CNGB1: variants seen among roughly 807,000 people sequenced by gnomAD.
CNGB1 encodes cyclic nucleotide gated channel subunit beta 1.
In CNGB1, 126 loss-of-function variants were observed where a neutral mutation model predicts 151.7. The ratio of observed to expected loss-of-function variants is 0.83; its 90% CI spans 0.72 to 0.96. CNGB1 has a LOEUF of 0.96. CNGB1 is among the 40% of genes least tolerant of loss of function. The pLI is 0.00. For synonymous variants in CNGB1, 623 were observed against 635.1 expected, an observed-to-expected ratio of 0.98 and a Z score of 0.29; for missense variants, 1,698 against 1,627.0, an observed-to-expected ratio of 1.04 and a Z score of -0.75.
intron 28 of CNGB1, 27 bp from the exon 29 acceptor site, chr16:57,901,462 C>A (rs529889046): frequency 5.7e-5 from 92 of 1,614,100 alleles, no homozygotes; most frequent in Middle Eastern, 1.6e-4. Flanking sequence ...GGGAAAGGAA[C>A]TTTTTAGAGA....
At chr16:57,913,030 G>T in intron 23 of CNGB1, 36 bp from the exon 24 acceptor site, 1 of 1,604,894 alleles carries the variant, frequency 6.2e-7, no homozygotes, top group East Asian at 2.2e-5. Context: ...CAGCCCACCG[G>T]CCATAGGTAG....
chr16:57,903,787 G>A (rs1960455132), intron 27 of CNGB1, 35 bp downstream of exon 27: 8 of 1,613,172 alleles, frequency 5.0e-6, no homozygotes, highest in East Asian at 2.2e-5. Flanking sequence ...GGAGTTGACT[G>A]GGAGCTGGTG....
chr16:57,899,315 G>T (rs1358160487), intron 29 of CNGB1, among the ~76,000 whole-genome samples: 2 of 148,660 alleles, frequency 1.3e-5, no homozygotes, highest in Admixed American at 6.7e-5. Context: ...GGAAGAGGAG[G>T]TCTACAGAAA....
chr16:57,910,180 C>G (rs1179050315), intron 25 of CNGB1, among the ~76,000 whole-genome samples: 2 of 152,134 alleles, frequency 1.3e-5, no homozygotes, highest in African/African-American at 4.8e-5. Flanking sequence ...CTCATTGTAC[C>G]CCTCCAGCGT....
chr16:57,905,921 A>G (rs763578076), intron 25 of CNGB1, among the ~76,000 whole-genome samples: 1 of 152,174 alleles, frequency 6.6e-6, no homozygotes, highest in Non-Finnish European at 1.5e-5. Context: ...AGTCTCATGT[A>G]TTTTACTACA....
intron 29 of CNGB1, 97 bp from the exon 30 acceptor site, chr16:57,898,011 G>A: frequency 7.8e-7 from 1 of 1,275,178 alleles, no homozygotes; most frequent in Non-Finnish European, 1.1e-6. Flanking sequence ...CGGCAAGGAG[G>A]AACCTAGGCA....
chr16:57,923,224 C>T, intron 18 of CNGB1, 49 bp downstream of exon 18: 2 of 1,337,140 alleles, frequency 1.5e-6, no homozygotes, highest in South Asian at 1.2e-5. Flanking sequence ...CCACATCCCC[C>T]ACCCTCCCCG....
chr16:57,955,284 C>CTTCT, intron 12 of CNGB1: 1 of 1,551,094 alleles, frequency 6.4e-7, no homozygotes. Context: ...TCAGGGCATC[C>CTTCT]TTCTTTCCTT....
intron 31 of CNGB1, among the ~76,000 whole-genome samples, chr16:57,890,708 C>T (rs192501742): frequency 6.6e-6 from 1 of 152,352 alleles, no homozygotes; most frequent in Admixed American, 6.5e-5. Flanking sequence ...GACCCAGGTC[C>T]CCCATCTGCA....
Position 57,919,097 on chromosome 16 carries a change from A to C in CNGB1, c.1957+2T>G, listed in dbSNP as rs755398007. On this transcript the variant is annotated splice_donor_variant, in intron 20 of 32. Coordinates refer to ENST00000251102, the MANE Select transcript of CNGB1 (RefSeq NM_001297.5). LOFTEE classifies it high-confidence loss of function. ...TGGGAACACCCATTCCCCAGGACTC[A>C]CTGGTCAGCGGGTCAATGCTCTGGG... The C allele has an allele frequency of 5.0e-6, 8 of 1,614,104 alleles. No homozygotes were observed. The highest frequency in any genetic ancestry group is 6.8e-6 in the Non-Finnish European group (8 of 1,180,022).
At chr16:57,909,047 T>G (rs1213080905) in intron 25 of CNGB1, among the ~76,000 whole-genome samples, 1 of 152,166 alleles carries the variant, frequency 6.6e-6, no homozygotes, top group African/African-American at 2.4e-5. Context: ...CACAGGCAGA[T>G]AGCTTGAGCT....
chr16:57,918,084 T>C (rs1237061559), intron 20 of CNGB1, among the ~76,000 whole-genome samples: 1 of 151,752 alleles, frequency 6.6e-6, no homozygotes, highest in Non-Finnish European at 1.5e-5. Flanking sequence ...GATGGATGGA[T>C]AGATGGGTAT....
intron 24 of CNGB1, 57 bp downstream of exon 24, chr16:57,912,871 TTG>T: frequency 6.5e-7 from 1 of 1,531,652 alleles, no homozygotes; most frequent in Non-Finnish European, 9.0e-7. Context: ...ATTGCGTGTG[TTG>T]TGTGTTTGTG....
At chr16:57,926,068 G>A (rs1197619719) in intron 17 of CNGB1, among the ~76,000 whole-genome samples, 3 of 152,174 alleles carry the variant, frequency 2.0e-5, no homozygotes, top group African/African-American at 7.2e-5. Flanking sequence ...TTCACCTTGG[G>A]ACCAAGCCTG....
chr16:57,927,912 G>C (rs1366011085), intron 17 of CNGB1, among the ~76,000 whole-genome samples: 4 of 152,216 alleles, frequency 2.6e-5, no homozygotes, highest in Non-Finnish European at 5.9e-5. Context: ...TGTACTCCAA[G>C]GCTCAGTGAA....
At chr16:57,895,551 T>A (rs181976073) in intron 31 of CNGB1, among the ~76,000 whole-genome samples, 3,376 of 147,396 alleles carry the variant, frequency 0.023, 58 homozygotes, top group African/African-American at 0.046. Flanking sequence ...TATGTATTTT[T>A]TATATATATA....
chr16:57,905,113 T>C (rs1465455465), intron 25 of CNGB1, among the ~76,000 whole-genome samples: 1 of 152,140 alleles, frequency 6.6e-6, no homozygotes, highest in Non-Finnish European at 1.5e-5. Context: ...GCCATCCCCA[T>C]TTACAGATAT....
At chr16:57,967,055 G>T in intron 2 of CNGB1, 73 bp downstream of exon 2, 1 of 1,605,470 alleles carries the variant, frequency 6.2e-7, no homozygotes. Flanking sequence ...AGTCCCTGGA[G>T]AGCAGATGGC....
intron 12 of CNGB1, chr16:57,955,292 C>T (rs1962056454): frequency 1.3e-6 from 2 of 1,551,270 alleles, no homozygotes; most frequent in Non-Finnish European, 1.7e-6. Context: ...TCCTTCTTTC[C>T]TTCCATCCAT....
Sources: allele counts gnomAD v4.1 joint callset (sites outside exome capture counted in the v4.1 genomes callset), GRCh38; gene constraint gnomAD v4.1.1; transcripts MANE v1.5; gene names NCBI Gene and HGNC (gene_info 2026-07-23, HGNC 2026-07-21).